Variants in ROBO2 observed in about 807,000 individuals in gnomAD.
ROBO2 encodes the protein roundabout guidance receptor 2, also known as roundabout homolog 2.
Under a neutral mutation model 160.8 loss-of-function variants are expected in ROBO2, and 53 were observed. The ratio of observed to expected loss-of-function variants is 0.33; its 90% confidence interval spans 0.26 to 0.41. The LOEUF is 0.41. Ranked by LOEUF, ROBO2 falls within the 10% of genes least tolerant of loss-of-function variation. The probability of loss-of-function intolerance (pLI) is 1.00; values close to 1 mark genes in which losing one functional copy is unlikely to be tolerated. For synonymous variants in ROBO2, 664 were observed against 611.7 expected, an observed-to-expected ratio of 1.09 and a Z score of -1.26; for missense variants, 1,577 against 1,722.4, an observed-to-expected ratio of 0.92 and a Z score of 1.49.
intron 1 of ROBO2, among the ~76,000 whole-genome samples, chr3:77,043,743 A>G (rs544267627): frequency 9.3e-4 from 141 of 152,248 alleles, no homozygotes; most frequent in Middle Eastern, 3.4e-3. Flanking sequence ...AACACTTTTA[A>G]ATTACATCTA....
intron 2 of ROBO2, among the ~76,000 whole-genome samples, chr3:77,002,443 AT>A (rs2149424474): frequency 6.6e-6 from 1 of 151,136 alleles, no homozygotes; most frequent in South Asian, 2.1e-4. Context: ...ATCATGATCT[AT>A]TTTATAATCA....
At chr3:75,932,591 A>G (rs143636121) in intron 1 of ROBO2, among the ~76,000 whole-genome samples, 231 of 152,324 alleles carry the variant, frequency 1.5e-3, no homozygotes, top group African/African-American at 5.4e-3. Flanking sequence ...ACGTTTATGC[A>G]CTACACTTTG....
chr3:77,169,889 T>C (rs1366854167), intron 2 of ROBO2, among the ~76,000 whole-genome samples: 1 of 152,134 alleles, frequency 6.6e-6, no homozygotes, highest in Non-Finnish European at 1.5e-5. Flanking sequence ...CCCACTGTGG[T>C]CGTCCTGGGG....
intron 2 of ROBO2, among the ~76,000 whole-genome samples, chr3:77,330,526 C>T (rs2065869478): frequency 6.6e-6 from 1 of 152,108 alleles, no homozygotes; most frequent in Non-Finnish European, 1.5e-5. Flanking sequence ...TCTTTATTTT[C>T]TCCAAAAAGA....
intron 2 of ROBO2, among the ~76,000 whole-genome samples, chr3:76,009,723 T>C (rs897657000): frequency 3.3e-5 from 5 of 152,248 alleles, no homozygotes; most frequent in Non-Finnish European, 7.3e-5. Context: ...TGTAAGTGAA[T>C]AAGATACATA....
intron 2 of ROBO2, among the ~76,000 whole-genome samples, chr3:76,930,737 G>A (rs1251730897): frequency 6.6e-6 from 1 of 152,198 alleles, no homozygotes; most frequent in East Asian, 1.9e-4. Context: ...CAGATGGCAA[G>A]AGAAAATGGC....
chr3:76,946,202 G>A (rs2078528907), intron 2 of ROBO2, among the ~76,000 whole-genome samples: 1 of 152,106 alleles, frequency 6.6e-6, no homozygotes, highest in African/African-American at 2.4e-5. Flanking sequence ...ATCAGAATAT[G>A]CCTTGAATTA....
At chr3:76,757,163 A>G (rs915950139) in intron 2 of ROBO2, among the ~76,000 whole-genome samples, 1 of 151,828 alleles carries the variant, frequency 6.6e-6, no homozygotes, top group East Asian at 2.0e-4. Flanking sequence ...CATTTTGCAG[A>G]GAAGAAAATG....
intron 2 of ROBO2, among the ~76,000 whole-genome samples, chr3:76,274,521 C>G (rs1707803900): frequency 1.3e-5 from 2 of 151,982 alleles, no homozygotes; most frequent in Non-Finnish European, 2.9e-5. Flanking sequence ...TCAATCTGTT[C>G]TAGAACAAAA....
rs1262776951 is a variant in ROBO2 at position 76,531,742 on chromosome 3, C to A, written c.110-566272C>A. Among the ~76,000 whole-genome samples the A allele has an allele frequency of 4.7e-5, 7 of 148,944 alleles. No homozygotes were observed. The East Asian group carries it at 1.4e-3, about 31-fold the overall frequency. ...CTTCTGATGCTATTTGTTGAAAAAA[C>A]AACAACACTATTTTCTTAATTTTCC... On this transcript the variant is annotated intron_variant, in intron 2 of 26. Transcript: ENST00000487694.
intron 2 of ROBO2, among the ~76,000 whole-genome samples, chr3:76,222,523 T>A (rs535959189): frequency 6.6e-6 from 1 of 151,998 alleles, no homozygotes; most frequent in East Asian, 2.0e-4. Flanking sequence ...TAACCAGTTT[T>A]AGGTATTTTC....
intron 2 of ROBO2, among the ~76,000 whole-genome samples, chr3:77,356,853 ATAT>A (rs2069205465): frequency 6.6e-6 from 1 of 152,154 alleles, no homozygotes; most frequent in Admixed American, 6.6e-5. Flanking sequence ...ATATGTGGAC[ATAT>A]TATTTTCTGT....
rs761616869 is a variant in ROBO2 at position 76,961,247 on chromosome 3, G to GGAAAAAAA, written c.110-136767_110-136766insGAAAAAAA. Among the ~76,000 whole-genome samples, 105 of 54,418 alleles carry GGAAAAAAA rather than the reference G, an allele frequency of 1.9e-3. 1 individual carries two copies. Among genetic ancestry groups the GGAAAAAAA allele is most frequent in the African/African-American group, 5.4e-3 (100 of 18,458 alleles). The allele number at this position is 54,418 out of a possible 152,430, so 35.7% of individuals were successfully genotyped here. ...ATTTGCTATGCTAATGTGCCACAGA[G>GGAAAAAAA]AAAAAAAAAAAAAAAAAAAAACACT... is the stretch of plus-strand genomic sequence containing the variant. On this transcript the variant is annotated intron_variant, in intron 2 of 26. Coordinates refer to the ROBO2 transcript ENST00000487694.
intron 2 of ROBO2, among the ~76,000 whole-genome samples, chr3:76,047,265 A>T (rs369166627): frequency 1.3e-5 from 2 of 151,954 alleles, no homozygotes; most frequent in Non-Finnish European, 1.5e-5. Flanking sequence ...CTAATAATGC[A>T]TTAATATTCC....
At chr3:75,956,396 C>T (rs1479228215) in intron 2 of ROBO2, among the ~76,000 whole-genome samples, 2 of 151,776 alleles carry the variant, frequency 1.3e-5, no homozygotes, top group African/African-American at 2.4e-5. Context: ...GAGACTTATG[C>T]ATTACAAATA....
intron 2 of ROBO2, among the ~76,000 whole-genome samples, chr3:76,685,090 C>G (rs1412603775): frequency 1.3e-5 from 2 of 151,514 alleles, no homozygotes; most frequent in African/African-American, 4.8e-5. Context: ...AGAACAATCA[C>G]AAGAGTTAAT....
intron 2 of ROBO2, among the ~76,000 whole-genome samples, chr3:76,697,625 G>A (rs546005352): frequency 6.6e-5 from 10 of 152,152 alleles, no homozygotes; most frequent in African/African-American, 1.7e-4. Flanking sequence ...CAGCCTGGGC[G>A]ACAGAGTGAA....
intron 2 of ROBO2, among the ~76,000 whole-genome samples, chr3:75,957,175 C>T (rs796250361): frequency 6.6e-6 from 1 of 151,150 alleles, no homozygotes; most frequent in South Asian, 2.1e-4. Context: ...TATTTTTAAA[C>T]ATATTGAAGT....
At chr3:76,589,527 A>G (rs543778040) in intron 2 of ROBO2, among the ~76,000 whole-genome samples, 2 of 152,272 alleles carry the variant, frequency 1.3e-5, no homozygotes, top group South Asian at 4.1e-4. Context: ...ACTTCGGAGC[A>G]TTGTGTTGCA....
Sources: allele counts gnomAD v4.1 joint callset (sites outside exome capture counted in the v4.1 genomes callset), GRCh38; gene constraint gnomAD v4.1.1; transcripts MANE v1.5; gene names NCBI Gene and HGNC (gene_info 2026-07-23, HGNC 2026-07-21).